Variants in KALRN observed in about 807,000 individuals in gnomAD.
KALRN encodes kalirin.
KALRN carries 70 observed loss-of-function variants against 353.7 expected under a neutral mutation model. The observed-to-expected ratio is 0.20, with a 90% CI of 0.16 to 0.24. KALRN has a LOEUF of 0.24. KALRN is among the 10% of genes least tolerant of loss of function. KALRN has a pLI of 1.00. For missense variants in KALRN, 2,791 were observed against 3,756.7 expected, an observed-to-expected ratio of 0.74 and a Z score of 6.72; for synonymous variants, 1,391 against 1,434.8, an observed-to-expected ratio of 0.97 and a Z score of 0.69.
chr3:124,280,382 A>G (rs1175074330), intron 5 of KALRN, among the ~76,000 whole-genome samples: 1 of 152,262 alleles, frequency 6.6e-6, no homozygotes, highest in African/African-American at 2.4e-5. Flanking sequence ...TCATTGGGGA[A>G]CTACTCTCTT....
At chr3:124,652,916 T>C (rs1475408318) in intron 38 of KALRN, among the ~76,000 whole-genome samples, 2 of 152,046 alleles carry the variant, frequency 1.3e-5, no homozygotes, top group Admixed American at 6.5e-5. Flanking sequence ...AACCGGCCTT[T>C]GAGCAGTCAT....
chr3:124,629,070 T>A (rs2080439777), intron 34 of KALRN, among the ~76,000 whole-genome samples: 1 of 152,214 alleles, frequency 6.6e-6, no homozygotes, highest in South Asian at 2.1e-4. Flanking sequence ...AAATACCTAG[T>A]CCTGTGTTTG....
At chr3:124,527,949 TG>T (rs1282751578) in intron 33 of KALRN, among the ~76,000 whole-genome samples, 3 of 152,250 alleles carry the variant, frequency 2.0e-5, no homozygotes, top group African/African-American at 7.2e-5. Flanking sequence ...AAGTTCTATA[TG>T]AATCTGGGAG....
At chr3:124,542,302 G>C (rs778372283) in intron 33 of KALRN, among the ~76,000 whole-genome samples, 6 of 152,202 alleles carry the variant, frequency 3.9e-5, no homozygotes, top group Non-Finnish European at 8.8e-5. Context: ...CTGGAACTTA[G>C]TAGCCGTGTG....
intron 47 of KALRN, among the ~76,000 whole-genome samples, chr3:124,667,666 C>G (rs2085818496): frequency 6.6e-6 from 1 of 152,170 alleles, no homozygotes; most frequent in Non-Finnish European, 1.5e-5. Flanking sequence ...CAACCTTACC[C>G]CTTTTAAATG....
chr3:124,188,002 A>T (rs2074431907), intron 1 of KALRN, among the ~76,000 whole-genome samples: 1 of 152,012 alleles, frequency 6.6e-6, no homozygotes, highest in South Asian at 2.1e-4. Flanking sequence ...ATTTTAAAAA[A>T]CCCCAGAAAT....
intron 45 of KALRN, among the ~76,000 whole-genome samples, chr3:124,665,716 T>G (rs1359257809): frequency 6.6e-6 from 1 of 152,194 alleles, no homozygotes; most frequent in Non-Finnish European, 1.5e-5. Context: ...CCGCCTGGCT[T>G]GGCCTCCCAA....
chr3:124,346,391 C>G (rs1453898140), intron 9 of KALRN, among the ~76,000 whole-genome samples: 3 of 152,182 alleles, frequency 2.0e-5, no homozygotes, highest in African/African-American at 7.2e-5. Context: ...GTTCCAGTGT[C>G]TCTAAATATC....
intron 1 of KALRN, among the ~76,000 whole-genome samples, chr3:124,065,497 G>C (rs1302348025): frequency 6.6e-6 from 1 of 152,162 alleles, no homozygotes; most frequent in Non-Finnish European, 1.5e-5. Context: ...CAGGATGTCT[G>C]CAATTCACTT....
At chr3:124,666,160 G>A (rs1331359265) in intron 45 of KALRN, among the ~76,000 whole-genome samples, 3 of 152,122 alleles carry the variant, frequency 2.0e-5, no homozygotes, top group African/African-American at 4.8e-5. Context: ...TGGCTTTTCT[G>A]CTAATGATAT....
chr3:124,389,818 G>A (rs542007531), intron 11 of KALRN, among the ~76,000 whole-genome samples: 3 of 152,120 alleles, frequency 2.0e-5, no homozygotes, highest in Non-Finnish European at 4.4e-5. Context: ...AGATTGATAT[G>A]GGAGATTTAA....
chr3:124,277,855 T>C (rs1327631871), intron 5 of KALRN, among the ~76,000 whole-genome samples: 1 of 152,214 alleles, frequency 6.6e-6, no homozygotes, highest in Non-Finnish European at 1.5e-5. Context: ...CCCATAGAAC[T>C]GTGGACCCCT....
At chr3:124,628,153 CT>C (rs2080191484) in intron 34 of KALRN, among the ~76,000 whole-genome samples, 40 of 62,842 alleles carry the variant, frequency 6.4e-4, no homozygotes, top group African/African-American at 2.9e-3. Flanking sequence ...CCCTCCCTCC[CT>C]CCCTCCCTTC....
intron 11 of KALRN, among the ~76,000 whole-genome samples, chr3:124,390,768 G>A (rs1300602418): frequency 6.6e-6 from 1 of 152,144 alleles, no homozygotes; most frequent in Non-Finnish European, 1.5e-5. Flanking sequence ...ATCAGCAGGA[G>A]AAAGTGATGA....
chr3:124,313,848 G>C (rs897578489), intron 6 of KALRN, among the ~76,000 whole-genome samples: 1 of 152,152 alleles, frequency 6.6e-6, no homozygotes, highest in African/African-American at 2.4e-5. Flanking sequence ...AAACTCTAAA[G>C]TTATCAAATA....
intron 1 of KALRN, among the ~76,000 whole-genome samples, chr3:124,050,835 A>C (rs1430672627): frequency 6.6e-6 from 1 of 152,208 alleles, no homozygotes; most frequent in East Asian, 1.9e-4. Context: ...GCATACTAAA[A>C]AAATCCTATT....
intron 45 of KALRN, among the ~76,000 whole-genome samples, chr3:124,664,370 T>TGTGTGTGTGTGCGC (rs370394911): frequency 1.5e-5 from 2 of 129,532 alleles, no homozygotes; most frequent in African/African-American, 5.8e-5. Flanking sequence ...TGTGTGTGTG[T>TGTGTGTGTGTGCGC]GCGCGCGCGC....
chr3:124,119,009 G>T (rs1645020329), intron 1 of KALRN, among the ~76,000 whole-genome samples: 1 of 152,210 alleles, frequency 6.6e-6, no homozygotes, highest in Non-Finnish European at 1.5e-5. Context: ...ATACTGTAAT[G>T]AGAGCCCAGC....
intron 1 of KALRN, among the ~76,000 whole-genome samples, chr3:124,158,316 G>T (rs562558143): frequency 3.3e-5 from 5 of 152,148 alleles, no homozygotes; most frequent in Non-Finnish European, 5.9e-5. Flanking sequence ...CTCCCAGGAA[G>T]CTCCCAGTCT....
Sources: allele counts gnomAD v4.1 joint callset (sites outside exome capture counted in the v4.1 genomes callset), GRCh38; gene constraint gnomAD v4.1.1; transcripts MANE v1.5; gene names NCBI Gene and HGNC (gene_info 2026-07-23, HGNC 2026-07-21).